The following EIF5A2 variants were observed in gnomAD, a reference collection of about 807,000 sequenced individuals.
The protein encoded by EIF5A2 is eukaryotic translation initiation factor 5A2, also known as eukaryotic translation initiation factor 5A-2.
A neutral mutation model predicts 16.4 loss-of-function variants in EIF5A2; 15 were observed. The ratio of observed to expected loss-of-function variants is 0.92; its 90% CI spans 0.61 to 1.41. The LOEUF (loss-of-function observed/expected upper bound fraction) is 1.41, where lower values mean the gene tolerates loss of function less well. Ranked by LOEUF, EIF5A2 falls within the 40% of genes most tolerant of loss-of-function variation. The pLI is 0.00. For synonymous variants in EIF5A2, 48 were observed against 61.1 expected (o/e 0.79, Z 1.00); for missense variants, 144 against 189.5 (o/e 0.76, Z 1.41).
rs1405426922 is a variant in EIF5A2 at position 170,893,420 on chromosome 3, C to T, written c.403-1G>A. On this transcript the variant is annotated splice_acceptor_variant, in intron 4 of 4. Transcript: ENST00000295822. LOFTEE classifies it high-confidence loss of function. ...CACTCATTGCACACATGACAGACAC[C>T]TAGAAGGAAAAAAGCAGGCAAAACG... 1.2e-6 allele frequency: 2 copies of T among 1,613,388 alleles called. No individual in the cohort carries two copies. The highest frequency in any genetic ancestry group is 3.3e-5 in the Admixed American group (2 of 59,928).
rs1450830980 is a variant in EIF5A2 at position 170,891,367 on chromosome 3, T to C, written c.*1993A>G. On this transcript the variant is annotated 3_prime_UTR_variant, in exon 5 of 5. Transcript: ENST00000295822. ...AATGTAGCCTAATTTTAATTGTGCT[T>C]TAGATGGGCAAAAGCTAAAATGTTG... 3 of 152,580 alleles carry C rather than the reference T, an allele frequency of 2.0e-5. No individual in the cohort carries two copies. The highest frequency in any genetic ancestry group is 4.4e-5 in the Non-Finnish European group (3 of 68,018). The allele number at this position is 152,580 out of a possible 1,614,324, so 9.5% of individuals were successfully genotyped here.
chr3:170,907,250 A>G (rs543737968), intron 2 of EIF5A2, among the ~76,000 whole-genome samples, 157 bp from the exon 3 acceptor site: 1 of 152,332 alleles, frequency 6.6e-6, no homozygotes, highest in African/African-American at 2.4e-5. Context: ...GTGGTCTTAC[A>G]ATTAAGAGGC....
intron 1 of EIF5A2, 88 bp from the exon 2 acceptor site, chr3:170,907,929 A>G: frequency 9.7e-7 from 1 of 1,033,794 alleles, no homozygotes; most frequent in South Asian, 2.2e-5. Context: ...GCCAAGCATC[A>G]TGGGCCCGTT....
At position 170,893,266 on chromosome 3, in the gene EIF5A2, G is replaced by T; in HGVS notation, c.*94C>A. The T allele has an allele frequency of 8.3e-7, 1 of 1,198,826 alleles. No individual in the cohort carries two copies. The highest frequency in any genetic ancestry group is 1.2e-6 in the Non-Finnish European group (1 of 862,282). The allele number at this position is 1,198,826 out of a possible 1,614,324, so 74.3% of individuals were successfully genotyped here. On this transcript the variant is annotated 3_prime_UTR_variant, in exon 5 of 5. Transcript: ENST00000295822. ...AACAATTAAAAAAAGAAATGAGGTT[G>T]CTTATGAAGGCTATAGCTTTGGTGA...
Position 170,907,087 on chromosome 3 carries a change from G to A in EIF5A2, c.172C>T (p.Leu58Phe). Residue 58 changes from leucine (L) to phenylalanine (F), a missense_variant, in exon 3 of 5, where the codon CTT becomes TTT. Physicochemically the swap from Leu to Phe is conservative, Grantham distance 22 (BLOSUM62 0). Coordinates refer to ENST00000295822, the MANE Select transcript of EIF5A2 (RefSeq NM_020390.6). ...CCCGTGAAAATATCAATTCCAACAA[G>A]GTGAACCTAACAGAGGAGAACAGGA... ...TGKHGHAKVH[L>F]VGIDIFTGKK... is the part of the protein sequence containing the mutation. 1 of 1,610,072 alleles carries A rather than the reference G, an allele frequency of 6.2e-7. No homozygotes were observed. Among genetic ancestry groups the A allele is most frequent in the Non-Finnish European group, 8.5e-7 (1 of 1,177,520 alleles).
intron 3 of EIF5A2, among the ~76,000 whole-genome samples, chr3:170,899,497 T>G (rs1028477853): frequency 6.6e-6 from 1 of 152,128 alleles, no homozygotes; most frequent in Non-Finnish European, 1.5e-5. Context: ...GTTCACTGTT[T>G]TATAGAATAT....
At position 170,891,334 on chromosome 3, in the gene EIF5A2, C is replaced by T. The variant is rs75747977; in HGVS notation, c.*2026G>A. On this transcript the variant is annotated 3_prime_UTR_variant, in exon 5 of 5. Transcript: ENST00000295822. ...ATGTAGTAGGTACTTAAATAGAATA[C>T]TGGAAAGAATGTAGCCTAATTTTAA... 157 of 152,680 alleles carry T rather than the reference C, an allele frequency of 1.0e-3. No homozygotes were observed. The highest frequency in any genetic ancestry group is 1.9e-3 in the Non-Finnish European group (131 of 68,010). 9.5% of individuals were successfully genotyped at this position (152,680 alleles called of 1,614,324 possible).
In EIF5A2 at chr3:170,889,048, C is replaced by CTTTTTTTTTTTTTTTTTTTTT. The variant is rs67417067; in HGVS notation, c.*4291_*4311dup. On this transcript the variant is annotated 3_prime_UTR_variant, in exon 5 of 5. Transcript: ENST00000295822. ...ACTTCATATAAATACAATAACCTGTCTTTTTTTTTTTTTTTTTTTTTTTGT... is the reference window on the plus strand; with the variant it reads ...ACTTCATATAAATACAATAACCTGTCTTTTTTTTTTTTTTTTTTTTTTTTTTTTTTTTTTTTTTTTTTTTGT... 1 of 96,188 alleles carries CTTTTTTTTTTTTTTTTTTTTT rather than the reference C, an allele frequency of 1.0e-5. No homozygotes were observed. 6.0% of individuals were successfully genotyped at this position (96,188 alleles called of 1,614,324 possible). A position where few individuals can be genotyped will look rare whatever the true frequency, so the allele number is the denominator to read the frequency against.
intron 3 of EIF5A2, among the ~76,000 whole-genome samples, chr3:170,899,327 T>A (rs1712749903): frequency 6.6e-6 from 1 of 152,132 alleles, no homozygotes; most frequent in Non-Finnish European, 1.5e-5. Context: ...CCTCCAGGGC[T>A]CAAGTGATCC....
intron 3 of EIF5A2, among the ~76,000 whole-genome samples, chr3:170,905,023 T>C (rs1228495268): frequency 6.6e-6 from 1 of 152,168 alleles, no homozygotes; most frequent in Non-Finnish European, 1.5e-5. Flanking sequence ...GCGGAGTACA[T>C]ACCAAGGGTT....
chr3:170,903,986 G>A (rs79529772), intron 3 of EIF5A2, among the ~76,000 whole-genome samples: 2,171 of 152,244 alleles, frequency 0.014, 45 homozygotes, highest in African/African-American at 0.05. Flanking sequence ...ATGCAGAAAC[G>A]GCATTTAACT....
At position 170,891,811 on chromosome 3, in the gene EIF5A2, C is replaced by T. The variant is rs1234026114; in HGVS notation, c.*1549G>A. ...TGTCTAAAATTCTGGAAATAATATACATATGACTCAAAAGATGAAATAGAA... is the reference window on the plus strand; with the variant it reads ...TGTCTAAAATTCTGGAAATAATATATATATGACTCAAAAGATGAAATAGAA... On this transcript the variant is annotated 3_prime_UTR_variant, in exon 5 of 5. Coordinates refer to ENST00000295822, the MANE Select transcript of EIF5A2 (RefSeq NM_020390.6). 1 of 152,530 alleles carries T rather than the reference C, an allele frequency of 6.6e-6. No individual in the cohort carries two copies. The highest frequency in any genetic ancestry group is 1.5e-5 in the Non-Finnish European group (1 of 68,018). The allele number at this position is 152,530 out of a possible 1,614,324, so 9.4% of individuals were successfully genotyped here.
At chr3:170,904,695 G>A (rs1462806318) in intron 3 of EIF5A2, among the ~76,000 whole-genome samples, 2 of 151,872 alleles carry the variant, frequency 1.3e-5, no homozygotes, top group African/African-American at 2.4e-5. Context: ...TAAAGATGGC[G>A]TCTCACCACA....
chr3:170,895,814 G>A (rs1292189069), intron 3 of EIF5A2, among the ~76,000 whole-genome samples: 1 of 152,138 alleles, frequency 6.6e-6, no homozygotes, highest in African/African-American at 2.4e-5. Flanking sequence ...GGAGCAAGGA[G>A]GTTGAGGTAG....
At chr3:170,899,330 A>G (rs1157013572) in intron 3 of EIF5A2, among the ~76,000 whole-genome samples, 1 of 152,128 alleles carries the variant, frequency 6.6e-6, no homozygotes, top group African/African-American at 2.4e-5. Flanking sequence ...CCAGGGCTCA[A>G]GTGATCCACC....
At chr3:170,896,574 T>C (rs1408948946) in intron 3 of EIF5A2, among the ~76,000 whole-genome samples, 1 of 152,202 alleles carries the variant, frequency 6.6e-6, no homozygotes, top group African/African-American at 2.4e-5. Context: ...ATGTAAGATG[T>C]GCCTTGCTTC....
At chr3:170,907,925 C>A (rs1383380312) in intron 1 of EIF5A2, 84 bp from the exon 2 acceptor site, 2 of 1,051,994 alleles carry the variant, frequency 1.9e-6, no homozygotes, top group Non-Finnish European at 2.6e-6. Flanking sequence ...ATGTGCCAAG[C>A]ATCATGGGCC....
At chr3:170,901,555 G>A (rs1030507019) in intron 3 of EIF5A2, among the ~76,000 whole-genome samples, 1 of 149,858 alleles carries the variant, frequency 6.7e-6, no homozygotes, top group Admixed American at 6.7e-5. Flanking sequence ...ATCCCTACAG[G>A]TGCCTTCTTT....
chr3:170,897,859 C>G (rs1460017409), intron 3 of EIF5A2, among the ~76,000 whole-genome samples: 2 of 152,182 alleles, frequency 1.3e-5, no homozygotes, highest in African/African-American at 4.8e-5. Flanking sequence ...AAGCCACAGG[C>G]ACTCAATACC....
Sources: allele counts gnomAD v4.1 joint callset (sites outside exome capture counted in the v4.1 genomes callset), GRCh38; gene constraint gnomAD v4.1.1; transcripts MANE v1.5; gene names NCBI Gene and HGNC (gene_info 2026-07-23, HGNC 2026-07-21).